Variants in HMGCLL1 observed in about 807,000 individuals in gnomAD.
HMGCLL1 encodes 3-hydroxymethyl-3-methylglutaryl-CoA lyase, cytoplasmic.
In HMGCLL1, 36 loss-of-function variants were observed where a neutral mutation model predicts 39.1. The ratio of observed to expected loss-of-function variants is 0.92; its 90% CI spans 0.71 to 1.22. The LOEUF (loss-of-function observed/expected upper bound fraction) is 1.22. Among genes scored for constraint, HMGCLL1 ranks in the 50% most tolerant of loss-of-function variants. The probability of loss-of-function intolerance (pLI) is 0.00; values close to 1 mark genes in which losing one functional copy is unlikely to be tolerated. For synonymous variants in HMGCLL1, 149 were observed against 144.0 expected (o/e 1.03, Z -0.25); for missense variants, 451 against 416.5 (o/e 1.08, Z -0.72).
the HMGCLL1 span, among the ~76,000 whole-genome samples, chr6:55,666,288 C>T: frequency 6.6e-6 from 1 of 151,664 alleles, no homozygotes; most frequent in African/African-American, 2.4e-5. Flanking sequence ...GAAACAGTTT[C>T]CCATTTCAAG....
chr6:55,617,088 G>C, the HMGCLL1 span, among the ~76,000 whole-genome samples: 1 of 152,002 alleles, frequency 6.6e-6, no homozygotes, highest in Non-Finnish European at 1.5e-5. Flanking sequence ...GTGCATATTT[G>C]TTACACAGGT....
chr6:55,486,800 T>A (rs886710608), intron 7 of HMGCLL1, among the ~76,000 whole-genome samples: 2 of 152,116 alleles, frequency 1.3e-5, no homozygotes, highest in African/African-American at 4.8e-5. Context: ...TTATAAATAA[T>A]AGAGATTTAT....
chr6:55,638,391 G>C, the HMGCLL1 span, among the ~76,000 whole-genome samples: 1 of 128,914 alleles, frequency 7.8e-6, no homozygotes, highest in East Asian at 2.3e-4. Context: ...TGGGCAACAA[G>C]AGCGAAACTC....
the HMGCLL1 span, among the ~76,000 whole-genome samples, chr6:55,590,850 G>A: frequency 6.6e-6 from 1 of 151,948 alleles, no homozygotes; most frequent in Non-Finnish European, 1.5e-5. Context: ...GGGCAGAGGA[G>A]GAAAGATAGT....
intron 1 of HMGCLL1, among the ~76,000 whole-genome samples, chr6:55,554,252 AG>A (rs1770524740): frequency 6.6e-6 from 1 of 152,200 alleles, no homozygotes; most frequent in Non-Finnish European, 1.5e-5. Context: ...GTATCAAAAA[AG>A]TCCTATCTTC....
intron 7 of HMGCLL1, among the ~76,000 whole-genome samples, chr6:55,474,335 A>G (rs1211866216): frequency 2.0e-5 from 3 of 151,498 alleles, no homozygotes; most frequent in African/African-American, 7.3e-5. Context: ...TCCTCTTTGC[A>G]TTTCAGTTTT....
At chr6:55,630,709 G>A in the HMGCLL1 span, among the ~76,000 whole-genome samples, 16,944 of 151,954 alleles carry the variant, frequency 0.11, 1,135 homozygotes, top group East Asian at 0.17. Flanking sequence ...CTGACAGTGA[G>A]TAAGTCTCAA....
chr6:55,600,350 A>G, the HMGCLL1 span, among the ~76,000 whole-genome samples: 1 of 152,140 alleles, frequency 6.6e-6, no homozygotes, highest in Admixed American at 6.6e-5. Flanking sequence ...TGAAAAATAT[A>G]TCAATTTAGG....
At chr6:55,596,067 G>C in the HMGCLL1 span, among the ~76,000 whole-genome samples, 7 of 152,200 alleles carry the variant, frequency 4.6e-5, no homozygotes, top group Admixed American at 4.6e-4. Context: ...GCTCATGACT[G>C]TAATCCCAGC....
the HMGCLL1 span, among the ~76,000 whole-genome samples, chr6:55,622,997 A>G: frequency 1.3e-5 from 2 of 152,002 alleles, no homozygotes; most frequent in African/African-American, 4.8e-5. Flanking sequence ...GGTAGGTTGT[A>G]TATGTCTAGG....
chr6:55,462,563 C>T (rs1451261478), intron 7 of HMGCLL1, among the ~76,000 whole-genome samples: 2 of 152,002 alleles, frequency 1.3e-5, no homozygotes, highest in Non-Finnish European at 2.9e-5. Context: ...AAACATAATC[C>T]ATATATATTG....
the HMGCLL1 span, among the ~76,000 whole-genome samples, chr6:55,639,721 G>A: frequency 1.3e-5 from 2 of 152,128 alleles, no homozygotes; most frequent in Non-Finnish European, 2.9e-5. Flanking sequence ...TCCTTCACTA[G>A]TTGCATAAAC....
rs1283823563 is a variant in HMGCLL1 at position 55,542,089 on chromosome 6, CA to C, written c.159del (p.Pro55LeufsTer11). 1.2e-6 allele frequency: 2 copies of C among 1,610,176 alleles called. No individual in the cohort carries two copies. The highest frequency in any genetic ancestry group is 2.7e-5 in the African/African-American group (2 of 74,874). ...TCATTCTGCAATCCATCCCTAGGCCCAACTTCTACTATTTTAACAAACTCAG... is the reference window on the plus strand; with the variant it reads ...TCATTCTGCAATCCATCCCTAGGCCCACTTCTACTATTTTAACAAACTCAG... ...GLPEFVKIVE[V>X]GPRDGLQNEK... On this transcript the variant is annotated frameshift_variant, in exon 2 of 9. Transcript: ENST00000274901. LOFTEE classifies it high-confidence loss of function.
rs188213982 is a variant in HMGCLL1, at chr6:55,559,752, C to T, written c.109-17612G>A. On this transcript the variant is annotated intron_variant, in intron 1 of 8. Transcript: ENST00000274901. ...ATCTTATGCTTGCAAAATCTCCATA[C>T]ATTTAAATTAAATGACCTCTCAGGG... Among the ~76,000 whole-genome samples the T allele has an allele frequency of 2.1e-3, 317 of 152,268 alleles. 5 individuals are homozygous for T. The highest frequency in any genetic ancestry group is 7.4e-3 in the African/African-American group (306 of 41,550).
At chr6:55,650,807 C>T in the HMGCLL1 span, among the ~76,000 whole-genome samples, 1 of 152,066 alleles carries the variant, frequency 6.6e-6, no homozygotes, top group African/African-American at 2.4e-5. Flanking sequence ...GAGCCTCTCC[C>T]TATGGCTTCC....
intron 7 of HMGCLL1, among the ~76,000 whole-genome samples, chr6:55,469,447 A>T (rs1263332714): frequency 7.1e-6 from 1 of 141,838 alleles, no homozygotes; most frequent in Non-Finnish European, 1.5e-5. Context: ...ATATACATAT[A>T]TATGTATATA....
At chr6:55,508,336 C>G (rs532193377) in intron 5 of HMGCLL1, among the ~76,000 whole-genome samples, 1 of 151,778 alleles carries the variant, frequency 6.6e-6, no homozygotes, top group Admixed American at 6.6e-5. Context: ...TCCCTAATTA[C>G]ATTTTTAAAA....
intron 3 of HMGCLL1, among the ~76,000 whole-genome samples, chr6:55,539,940 A>AG (rs1769272968): frequency 1.8e-5 from 1 of 57,056 alleles, no homozygotes; most frequent in East Asian, 6.4e-4. Context: ...GAGGAGGAGG[A>AG]GAAGGAAGGA....
chr6:55,628,941 T>C, the HMGCLL1 span, among the ~76,000 whole-genome samples: 1 of 152,170 alleles, frequency 6.6e-6, no homozygotes, highest in Non-Finnish European at 1.5e-5. Context: ...CTCTTTCTTT[T>C]GTAAATTGTT....
Sources: gnomAD v4.1 joint callset for allele counts (sites outside exome capture counted in the v4.1 genomes callset) on GRCh38, gnomAD v4.1.1 for gene constraint, MANE v1.5 for transcripts, NCBI Gene and HGNC (gene_info 2026-07-23, HGNC 2026-07-21) for gene names.